The following UGT1A8 variants were observed in gnomAD, a reference collection of about 807,000 sequenced individuals.
UGT1A8 encodes UDP-glucuronosyltransferase 1A8.
In UGT1A8, 39 loss-of-function variants were observed where a neutral mutation model predicts 45.3. The ratio of observed to expected loss-of-function variants is 0.86; its 90% CI spans 0.67 to 1.12. UGT1A8 has a LOEUF of 1.12. Among genes scored for constraint, UGT1A8 ranks in the 50% most tolerant of loss-of-function variants. The probability of loss-of-function intolerance (pLI) is 0.00; values close to 1 mark genes in which losing one functional copy is unlikely to be tolerated. For synonymous variants in UGT1A8, 275 were observed against 249.2 expected (o/e 1.10, Z -0.97); for missense variants, 719 against 664.9 (o/e 1.08, Z -0.90).
At chr2:233,737,460 G>A (rs919499964) in intron 1 of UGT1A8, among the ~76,000 whole-genome samples, 1 of 152,212 alleles carries the variant, frequency 6.6e-6, no homozygotes, top group Non-Finnish European at 1.5e-5. Flanking sequence ...GGTACAGTCT[G>A]TCATGGCTCC....
chr2:233,682,197 A>C, intron 1 of UGT1A8: 1 of 1,614,206 alleles, frequency 6.2e-7, no homozygotes, highest in Non-Finnish European at 8.5e-7. Flanking sequence ...GAGGATCAGG[A>C]CCGGGAGTTC....
chr2:233,674,586 G>T (rs2074289451), intron 1 of UGT1A8, among the ~76,000 whole-genome samples: 1 of 152,006 alleles, frequency 6.6e-6, no homozygotes, highest in Non-Finnish European at 1.5e-5. Context: ...ATGATAGAGG[G>T]TTATCTATAA....
At position 233,647,941 on chromosome 2, in the gene UGT1A8, A is replaced by G. The variant is rs979913567; in HGVS notation, c.855+29379A>G. 1.9e-5 allele frequency: 30 copies of G among 1,605,446 alleles called. No homozygotes were observed. The African/African-American group carries it at 3.5e-4, about 19-fold the overall frequency. On this transcript the variant is annotated intron_variant, in intron 1 of 4. Transcript: ENST00000373450. ...AGATCACTCACTGCCCATGGATGGG[A>G]GCCACTGGTTCACCATGTGGTCGGT... is the stretch of plus-strand genomic sequence containing the variant.
intron 1 of UGT1A8, among the ~76,000 whole-genome samples, chr2:233,716,167 C>T (rs747584906): frequency 6.6e-6 from 1 of 152,132 alleles, no homozygotes; most frequent in African/African-American, 2.4e-5. Flanking sequence ...AGATGCAGTG[C>T]AGCATCTTCA....
At position 233,713,108 on chromosome 2, in the gene UGT1A8, C is replaced by T. The variant is rs752381189; in HGVS notation, c.856-53926C>T. Reference sequence around the variant, plus strand: ...TGCTGGTGGTGCCCACTGATGGCAGCCACTGGCTCAGCATGCGGGAGGCCT... The same window carrying T: ...TGCTGGTGGTGCCCACTGATGGCAGTCACTGGCTCAGCATGCGGGAGGCCT... On this transcript the variant is annotated intron_variant, in intron 1 of 4. Coordinates refer to ENST00000373450, the MANE Select transcript of UGT1A8 (RefSeq NM_019076.5). The T allele has an allele frequency of 2.3e-5, 37 of 1,614,062 alleles. No homozygotes were observed. The South Asian group carries it at 3.5e-4, about 15-fold the overall frequency.
intron 1 of UGT1A8, among the ~76,000 whole-genome samples, chr2:233,733,592 A>T (rs1213678980): frequency 6.6e-6 from 1 of 152,156 alleles, no homozygotes; most frequent in East Asian, 1.9e-4. Flanking sequence ...GGTTCTGTTT[A>T]TGTGATGGAT....
At chr2:233,749,829 T>G (rs758485445) in intron 1 of UGT1A8, among the ~76,000 whole-genome samples, 2 of 151,956 alleles carry the variant, frequency 1.3e-5, no homozygotes, top group Non-Finnish European at 2.9e-5. Context: ...CTCTCTTTCA[T>G]GTAAGACGTG....
chr2:233,691,764 A>T (rs755562811), intron 1 of UGT1A8: 29 of 435,508 alleles, frequency 6.7e-5, no homozygotes, highest in Non-Finnish European at 8.9e-5. Flanking sequence ...CTCCTGCTCT[A>T]GGATTCTCAC....
rs375498105 is a variant in UGT1A8 at position 233,743,694 on chromosome 2, C to T, written c.856-23340C>T. 64 of 1,367,302 alleles carry T rather than the reference C, an allele frequency of 4.7e-5. No homozygotes were observed. In the African/African-American group the frequency reaches 6.5e-4, roughly 14 times the overall value. The allele number at this position is 1,367,302 out of a possible 1,614,324, so 84.7% of individuals were successfully genotyped here. A position where few individuals can be genotyped will look rare whatever the true frequency, so the allele number is the denominator to read the frequency against. ...AAGGGCCTGCCGCCTGTGCAGCCGC[C>T]CTCCGCCCCCGCCTCGCCATAGCGG... On this transcript the variant is annotated intron_variant, in intron 1 of 4. Coordinates refer to ENST00000373450, the MANE Select transcript of UGT1A8 (RefSeq NM_019076.5).
chr2:233,679,264 C>T (rs2074446842), intron 1 of UGT1A8, among the ~76,000 whole-genome samples: 1 of 152,222 alleles, frequency 6.6e-6, no homozygotes, highest in South Asian at 2.1e-4. Flanking sequence ...CAGTCCCTTG[C>T]TGGCAATGCA....
intron 4 of UGT1A8, among the ~76,000 whole-genome samples, chr2:233,768,709 T>G (rs1699703660): frequency 6.6e-6 from 1 of 151,010 alleles, no homozygotes; most frequent in African/African-American, 2.4e-5. Context: ...TCAGCCTCCG[T>G]GTAGCTGGGA....
chr2:233,755,908 T>G (rs1323849198), intron 1 of UGT1A8: 1 of 151,610 alleles, frequency 6.6e-6, no homozygotes, highest in African/African-American at 2.4e-5. Flanking sequence ...CAAAATGTAG[T>G]GAGAAGAGTG....
At chr2:233,724,944 C>G (rs1166254724) in intron 1 of UGT1A8, among the ~76,000 whole-genome samples, 4 of 144,592 alleles carry the variant, frequency 2.8e-5, no homozygotes, top group African/African-American at 1.1e-4. Context: ...CGTCTGCAAT[C>G]CCGGCACCTC....
In UGT1A8 at chr2:233,713,094, C is replaced by G. The variant is rs1375796840; in HGVS notation, c.856-53940C>G. ...TGAGAGTGGGAAGGTGCTGGTGGTG[C>G]CCACTGATGGCAGCCACTGGCTCAG... On this transcript the variant is annotated intron_variant, in intron 1 of 4. Coordinates refer to ENST00000373450, the MANE Select transcript of UGT1A8 (RefSeq NM_019076.5). 2.5e-6 allele frequency: 4 copies of G among 1,614,034 alleles called. No individual in the cohort carries two copies. The highest frequency in any genetic ancestry group is 3.3e-5 in the Admixed American group (2 of 60,002).
At chr2:233,759,578 C>T (rs1477020386) in intron 1 of UGT1A8, among the ~76,000 whole-genome samples, 1 of 151,810 alleles carries the variant, frequency 6.6e-6, no homozygotes, top group East Asian at 1.9e-4. Context: ...ATTCTCTACC[C>T]CAGCACGCCC....
At chr2:233,656,115 G>C (rs2073847743) in intron 1 of UGT1A8, among the ~76,000 whole-genome samples, 2 of 152,126 alleles carry the variant, frequency 1.3e-5, no homozygotes, top group Non-Finnish European at 2.9e-5. Flanking sequence ...TATTCACCAG[G>C]TTACAGAAGG....
chr2:233,651,080 T>C (rs2125476289), intron 1 of UGT1A8, among the ~76,000 whole-genome samples: 1 of 152,314 alleles, frequency 6.6e-6, no homozygotes, highest in East Asian at 1.9e-4. Flanking sequence ...TTTAGACCTT[T>C]CAAGTGAGGC....
chr2:233,730,592 G>C (rs1017666778), intron 1 of UGT1A8, among the ~76,000 whole-genome samples: 3 of 152,138 alleles, frequency 2.0e-5, no homozygotes, highest in African/African-American at 7.2e-5. Flanking sequence ...ACAGGGATCT[G>C]TGCTGTCAAG....
chr2:233,729,991 C>G, intron 1 of UGT1A8: 2 of 1,614,020 alleles, frequency 1.2e-6, no homozygotes, highest in Non-Finnish European at 1.7e-6. Flanking sequence ...GCCACTATCT[C>G]AGGTCTGTAT....
Sources: gnomAD v4.1 joint callset for allele counts (sites outside exome capture counted in the v4.1 genomes callset) on GRCh38, gnomAD v4.1.1 for gene constraint, MANE v1.5 for transcripts, NCBI Gene and HGNC (gene_info 2026-07-23, HGNC 2026-07-21) for gene names.